Variants in STK10 observed in about 807,000 individuals in gnomAD.
The protein encoded by STK10 is serine/threonine kinase 10.
STK10 carries 78 observed loss-of-function variants against 113.8 expected under a neutral mutation model. The observed-to-expected ratio is 0.69, with a 90% CI of 0.57 to 0.83. STK10 has a LOEUF of 0.83. Among genes scored for constraint, STK10 ranks in the 40% least tolerant of loss-of-function variants. The pLI is 0.00. For synonymous variants in STK10, 465 were observed against 494.7 expected (o/e 0.94, Z 0.80); for missense variants, 1,109 against 1,280.1 (o/e 0.87, Z 2.04).
chr5:172,077,244 C>G (rs1172036756), intron 12 of STK10, among the ~76,000 whole-genome samples: 1 of 152,228 alleles, frequency 6.6e-6, no homozygotes, highest in Non-Finnish European at 1.5e-5. Context: ...TGGCTTTCAA[C>G]TAAAATTTCT....
chr5:172,142,127 C>G (rs1769985512), intron 2 of STK10, among the ~76,000 whole-genome samples: 1 of 152,132 alleles, frequency 6.6e-6, no homozygotes, highest in Non-Finnish European at 1.5e-5. Context: ...ATAAATGAGA[C>G]AGCACACGTC....
chr5:172,068,419 T>C (rs1768114081), intron 12 of STK10, among the ~76,000 whole-genome samples: 1 of 151,988 alleles, frequency 6.6e-6, no homozygotes, highest in Admixed American at 6.6e-5. Flanking sequence ...CATTTTCAGA[T>C]GAAGGAAAGT....
At chr5:172,127,251 T>C (rs1297499094) in intron 3 of STK10, 122 bp downstream of exon 3, 1 of 1,024,774 alleles carries the variant, frequency 9.8e-7, no homozygotes, top group African/African-American at 1.6e-5. Context: ...AAAGAGGCCA[T>C]GGGAACTGAT....
intron 1 of STK10, among the ~76,000 whole-genome samples, chr5:172,169,023 C>T (rs1025069127): frequency 1.3e-5 from 2 of 152,140 alleles, no homozygotes; most frequent in African/African-American, 2.4e-5. Flanking sequence ...CACTCAGCCC[C>T]GTGCCTGCTG....
intron 2 of STK10, among the ~76,000 whole-genome samples, chr5:172,130,698 A>C (rs1769735663): frequency 6.6e-6 from 1 of 152,154 alleles, no homozygotes; most frequent in African/African-American, 2.4e-5. Flanking sequence ...TGGATAAGTC[A>C]ATCTCCCTGA....
chr5:172,145,412 TTGAG>T (rs1408362190), intron 2 of STK10, among the ~76,000 whole-genome samples: 3 of 152,058 alleles, frequency 2.0e-5, no homozygotes, highest in Non-Finnish European at 2.9e-5. Flanking sequence ...CAGTTGGTCC[TTGAG>T]GGACAGGTAG....
intron 1 of STK10, among the ~76,000 whole-genome samples, chr5:172,157,946 T>C (rs1283054030): frequency 6.6e-6 from 1 of 152,174 alleles, no homozygotes; most frequent in Non-Finnish European, 1.5e-5. Context: ...TTGCAACATT[T>C]CCCACGCACT....
chr5:172,186,182 G>A (rs549941081), intron 1 of STK10, among the ~76,000 whole-genome samples: 50 of 152,280 alleles, frequency 3.3e-4, no homozygotes, highest in African/African-American at 1.2e-3. Flanking sequence ...GCTGAGGTAG[G>A]AGAATTGCTT....
chr5:172,064,573 T>A, intron 13 of STK10, 147 bp downstream of exon 13: 3 of 744,302 alleles, frequency 4.0e-6, no homozygotes. Flanking sequence ...GAGGGGATAA[T>A]GGGGCCATGA....
Position 172,106,654 on chromosome 5 carries a change from A to G in STK10, c.754T>C (p.Ser252Pro). 1 of 1,613,268 alleles carries G rather than the reference A, an allele frequency of 6.2e-7. No individual in the cohort carries two copies. The highest frequency in any genetic ancestry group is 8.5e-7 in the Non-Finnish European group (1 of 1,179,966). ...GGCGTGAGCAGCGTGGGAGGGTCCGACTTGGCGATCTTTAGCAGGACCCGC... is the reference window on the plus strand; with the variant it reads ...GGCGTGAGCAGCGTGGGAGGGTCCGGCTTGGCGATCTTTAGCAGGACCCGC... ...PMRVLLKIAK[S>P]DPPTLLTPSK... Residue 252 changes from serine to proline, a missense_variant, in exon 6 of 19, where the codon TCG becomes CCG. By Grantham distance (74) the Ser-to-Pro change is moderately conservative. This residue lies in a region of STK10 where 885 missense variants were observed against 991.1 expected (regional missense o/e 0.89). Coordinates refer to ENST00000176763, the MANE Select transcript of STK10 (RefSeq NM_005990.4).
chr5:172,178,003 T>A (rs1415640920), intron 1 of STK10, among the ~76,000 whole-genome samples: 1 of 152,178 alleles, frequency 6.6e-6, no homozygotes, highest in East Asian at 1.9e-4. Flanking sequence ...TAATTTTGTA[T>A]TTTTAGTACA....
chr5:172,158,820 G>A (rs766303468), intron 1 of STK10, among the ~76,000 whole-genome samples: 2 of 152,172 alleles, frequency 1.3e-5, no homozygotes, highest in Non-Finnish European at 2.9e-5. Context: ...CCACTTACCT[G>A]AAGTACCCAG....
intron 10 of STK10, among the ~76,000 whole-genome samples, chr5:172,086,692 C>G (rs1768568853): frequency 6.6e-6 from 1 of 152,212 alleles, no homozygotes; most frequent in African/African-American, 2.4e-5. Flanking sequence ...CCTGGGCCAG[C>G]AGGGGATGAT....
chr5:172,072,783 T>TA (rs376043378), intron 12 of STK10, among the ~76,000 whole-genome samples: 1 of 152,036 alleles, frequency 6.6e-6, no homozygotes, highest in Non-Finnish European at 1.5e-5. Context: ...ATAAAGCAAT[T>TA]AAAAAATAAA....
At chr5:172,061,290 G>T in intron 13 of STK10, 22 bp from the exon 14 acceptor site, 1 of 1,601,840 alleles carries the variant, frequency 6.2e-7, no homozygotes. Flanking sequence ...GAGGAGGACA[G>T]GCCTTTATCC....
intron 1 of STK10, among the ~76,000 whole-genome samples, chr5:172,181,388 T>C (rs1003265024): frequency 2.6e-5 from 4 of 152,220 alleles, no homozygotes; most frequent in Admixed American, 1.3e-4. Flanking sequence ...TGATTTTGCA[T>C]AGCTCTGTGA....
At chr5:172,155,326 C>T (rs576327173) in intron 2 of STK10, among the ~76,000 whole-genome samples, 2 of 151,868 alleles carry the variant, frequency 1.3e-5, no homozygotes, top group South Asian at 4.2e-4. Flanking sequence ...GGTGAAACCC[C>T]GTCTCTACTA....
intron 10 of STK10, among the ~76,000 whole-genome samples, chr5:172,085,341 G>A (rs950501364): frequency 1.1e-4 from 17 of 151,860 alleles, no homozygotes; most frequent in Admixed American, 2.0e-4. Flanking sequence ...AAAAAATATC[G>A]GAGGGATAAG....
rs528939553 is a variant in STK10 at position 172,129,384 on chromosome 5, T to C, written c.322-1963A>G. ...CCTGCTGAGGAGGAAGGAGGCCTTC[T>C]GGGTCACTCTGGTCCTGCCTGGTCA... On this transcript the variant is annotated intron_variant, in intron 2 of 18. Transcript: ENST00000176763. 2.0e-5 allele frequency among the ~76,000 whole-genome samples: 3 copies of C among 152,310 alleles called. No homozygotes were observed. The East Asian group carries it at 5.8e-4, about 29-fold the overall frequency.
Sources: allele counts gnomAD v4.1 joint callset (sites outside exome capture counted in the v4.1 genomes callset), GRCh38; gene constraint gnomAD v4.1.1; regional missense constraint gnomAD v4.1.1; transcripts MANE v1.5; gene names NCBI Gene and HGNC (gene_info 2026-07-23, HGNC 2026-07-21).